MRTFA: variants seen among roughly 807,000 people sequenced by gnomAD.
MRTFA encodes myocardin-related transcription factor A.
MRTFA carries 20 observed loss-of-function variants against 83.5 expected under a neutral mutation model. That is an observed-to-expected ratio of 0.24 (90% CI 0.17 to 0.35). MRTFA has a LOEUF of 0.35. Ranked by LOEUF, MRTFA falls within the 10% of genes least tolerant of loss-of-function variation. MRTFA has a pLI of 1.00. For missense variants in MRTFA, 1,200 were observed against 1,224.7 expected, an observed-to-expected ratio of 0.98 and a Z score of 0.30; for synonymous variants, 659 against 541.2, an observed-to-expected ratio of 1.22 and a Z score of -3.02.
intron 3 of MRTFA, among the ~76,000 whole-genome samples, chr22:40,503,918 T>A (rs1273792741): frequency 6.6e-6 from 1 of 150,738 alleles, no homozygotes; most frequent in Admixed American, 6.6e-5. Context: ...CAAGACTGTC[T>A]CAAGTTTAAA....
intron 3 of MRTFA, among the ~76,000 whole-genome samples, chr22:40,545,336 C>T (rs2055345797): frequency 6.6e-6 from 1 of 152,182 alleles, no homozygotes; most frequent in Admixed American, 6.5e-5. Context: ...AAAGGCACCT[C>T]CTCTCTTTAA....
At position 40,411,704 on chromosome 22, in the gene MRTFA, T is replaced by C; in HGVS notation, c.2782A>G (p.Thr928Ala). Reference sequence around the variant, plus strand: ...GGCTCTGGCCCGTCATGCCCACTGGTCAGCAGGGGCAGCCCCGTGCTGCTC... The same window carrying C: ...GGCTCTGGCCCGTCATGCCCACTGGCCAGCAGGGGCAGCCCCGTGCTGCTC... The change falls in exon 15 of 15, where the codon ACC becomes GCC. Residue 928 changes from threonine (T) to alanine (A), a missense_variant. By Grantham distance (58) the Thr-to-Ala change is moderately conservative. Around this residue, in one of 2 missense-constraint regions of MRTFA, gnomAD observed 1,107 missense variants for 1,041.8 expected, o/e 1.06. Coordinates refer to ENST00000355630, the MANE Select transcript of MRTFA (RefSeq NM_020831.6). The C allele has an allele frequency of 6.3e-7, 1 of 1,587,548 alleles. No individual in the cohort carries two copies. Among genetic ancestry groups the C allele is most frequent in the South Asian group, 1.2e-5 (1 of 86,900 alleles).
Position 40,457,461 on chromosome 22 carries a change from AGAAAGAAAGAAAGAAAGAAAGAAAGAAG to A in MRTFA, c.307+5732_307+5759del, listed in dbSNP as rs1569275866. ...GAGAAAGAAAGAAAGAAAGAAAGAA[AGAAAGAAAGAAAGAAAGAAAGAAAGAAG>A]GAAAGAAAGAAAGAGAAAGAAAGAA... On this transcript the variant is annotated intron_variant, in intron 4 of 14. Coordinates refer to ENST00000355630, the MANE Select transcript of MRTFA (RefSeq NM_020831.6). Among the ~76,000 whole-genome samples the A allele has an allele frequency of 3.4e-4, 52 of 150,946 alleles. No individual in the cohort carries two copies. In the East Asian group the frequency reaches 8.7e-3, roughly 25 times the overall value.
At chr22:40,631,809 T>A (rs913744656) in intron 1 of MRTFA, among the ~76,000 whole-genome samples, 4 of 152,214 alleles carry the variant, frequency 2.6e-5, no homozygotes, top group African/African-American at 9.6e-5. Flanking sequence ...GATAAAGGAA[T>A]TAAATTTTTC....
chr22:40,424,488 C>T, intron 7 of MRTFA, 107 bp from the exon 8 acceptor site: 2 of 1,216,818 alleles, frequency 1.6e-6, no homozygotes, highest in Middle Eastern at 2.3e-4. Context: ...CCACAGCCCA[C>T]ATGCCCCGTG....
At chr22:40,553,344 C>T (rs996505803) in intron 2 of MRTFA, among the ~76,000 whole-genome samples, 10 of 152,176 alleles carry the variant, frequency 6.6e-5, no homozygotes, top group Non-Finnish European at 1.0e-4. Flanking sequence ...TGTCACAGAC[C>T]TTCACAGCAG....
chr22:40,437,778 A>G (rs940442885), intron 4 of MRTFA, among the ~76,000 whole-genome samples: 2 of 151,006 alleles, frequency 1.3e-5, no homozygotes, highest in African/African-American at 2.4e-5. Flanking sequence ...AAAAAAAAAA[A>G]GGCGGAATAC....
At chr22:40,459,518 T>C (rs984146105) in intron 4 of MRTFA, among the ~76,000 whole-genome samples, 1 of 151,854 alleles carries the variant, frequency 6.6e-6, no homozygotes, top group African/African-American at 2.4e-5. Context: ...AGGCAATTAT[T>C]CTCACTTCAC....
chr22:40,616,434 C>T (rs133036), intron 1 of MRTFA, among the ~76,000 whole-genome samples: 62,823 of 151,944 alleles, frequency 0.41, 14,198 homozygotes, highest in East Asian at 0.87. Context: ...GAGAGAATGA[C>T]GGACGGAAGA....
At chr22:40,586,512 T>C (rs1271008513) in intron 2 of MRTFA, among the ~76,000 whole-genome samples, 1 of 152,174 alleles carries the variant, frequency 6.6e-6, no homozygotes, top group Non-Finnish European at 1.5e-5. Flanking sequence ...GAAAATACCT[T>C]ACTCTCCCAA....
chr22:40,537,041 A>C (rs2055193914), intron 3 of MRTFA, among the ~76,000 whole-genome samples: 1 of 24,608 alleles, frequency 4.1e-5, no homozygotes, highest in African/African-American at 2.0e-4. Flanking sequence ...CCGCCCGGCC[A>C]GCCGCCCCGT....
chr22:40,436,694 A>G (rs1254206555), intron 4 of MRTFA, among the ~76,000 whole-genome samples: 1 of 150,566 alleles, frequency 6.6e-6, no homozygotes, highest in African/African-American at 2.5e-5. Flanking sequence ...GATGAGAGGG[A>G]AAGGCCTGAC....
chr22:40,475,873 G>A (rs1042244037), intron 3 of MRTFA, among the ~76,000 whole-genome samples: 6 of 152,200 alleles, frequency 3.9e-5, no homozygotes, highest in African/African-American at 1.4e-4. Context: ...GGCCAGGCAC[G>A]GTGGCTCACG....
At chr22:40,495,421 C>T in intron 3 of MRTFA, among the ~76,000 whole-genome samples, 1 of 148,418 alleles carries the variant, frequency 6.7e-6, no homozygotes. Flanking sequence ...CACTGCACTC[C>T]AGCCTGGGCC....
chr22:40,436,443 T>A (rs1014926657), intron 4 of MRTFA: 1 of 154,332 alleles, frequency 6.5e-6, no homozygotes, highest in African/African-American at 2.4e-5. Flanking sequence ...CTCTAAGGAC[T>A]AAAAGAACCC....
intron 3 of MRTFA, among the ~76,000 whole-genome samples, chr22:40,535,885 T>C (rs1808480053): frequency 6.6e-6 from 1 of 152,162 alleles, no homozygotes; most frequent in African/African-American, 2.4e-5. Context: ...GAGAGTCATG[T>C]GATAGGAATA....
intron 3 of MRTFA, among the ~76,000 whole-genome samples, chr22:40,480,896 G>A (rs1364500204): frequency 6.6e-6 from 1 of 151,926 alleles, no homozygotes; most frequent in Non-Finnish European, 1.5e-5. Context: ...TTACAGGCAT[G>A]AGCCAACATG....
At chr22:40,473,336 T>A (rs1361729374) in intron 3 of MRTFA, among the ~76,000 whole-genome samples, 2 of 152,234 alleles carry the variant, frequency 1.3e-5, no homozygotes, top group Admixed American at 6.5e-5. Flanking sequence ...ATTTTTAAAT[T>A]TTTTTGTAGA....
At chr22:40,587,544 CA>C in intron 2 of MRTFA, 11 of 286,810 alleles carry the variant, frequency 3.8e-5, no homozygotes, top group East Asian at 2.2e-4. Context: ...CTCTGACCAC[CA>C]AAAAAAGTTC....
Sources: gnomAD v4.1 joint callset for allele counts (sites outside exome capture counted in the v4.1 genomes callset) on GRCh38, gnomAD v4.1.1 for gene constraint, gnomAD v4.1.1 regional missense constraint, MANE v1.5 for transcripts, NCBI Gene and HGNC (gene_info 2026-07-23, HGNC 2026-07-21) for gene names.